Variants in LTBP2 observed in about 807,000 individuals in gnomAD.
The protein encoded by LTBP2 is latent-transforming growth factor beta-binding protein 2.
Under a neutral mutation model 210.6 loss-of-function variants are expected in LTBP2, and 103 were observed. That is an observed-to-expected ratio of 0.49 (90% CI 0.42 to 0.58). The LOEUF (loss-of-function observed/expected upper bound fraction) is 0.58. Ranked by LOEUF, LTBP2 falls within the 20% of genes least tolerant of loss-of-function variation. The probability of loss-of-function intolerance (pLI) is 0.00; values close to 1 mark genes in which losing one functional copy is unlikely to be tolerated. For missense variants in LTBP2, 2,313 were observed against 2,494.5 expected (o/e 0.93, Z 1.55); for synonymous variants, 1,007 against 1,015.0 (o/e 0.99, Z 0.15).
At position 74,611,560 on chromosome 14, in the gene LTBP2, G is replaced by T. The variant is rs2088609056; in HGVS notation, c.385C>A (p.Gln129Lys). 7 of 1,575,162 alleles carry T rather than the reference G, an allele frequency of 4.4e-6. No individual in the cohort carries two copies. The highest frequency in any genetic ancestry group is 6.0e-6 in the Non-Finnish European group (7 of 1,167,488). Residue 129 changes from glutamine (Q) to lysine (K), a missense_variant, in exon 1 of 36, where the codon CAG (glutamine) becomes AAG (lysine). Physicochemically the swap from Gln to Lys is moderately conservative, Grantham distance 53. This residue lies in a region of LTBP2 where 1,867 missense variants were observed against 1,976.9 expected (regional missense o/e 0.94). Coordinates refer to ENST00000261978, the MANE Select transcript of LTBP2 (RefSeq NM_000428.3). ...CGGGTCCGGGGTGCTGGTTGCTGCTGGCCCAGGGGAGTGCTTCTCCGGGTC... is the reference window on the plus strand; with the variant it reads ...CGGGTCCGGGGTGCTGGTTGCTGCTTGCCCAGGGGAGTGCTTCTCCGGGTC... The part of the protein sequence containing the change: ...AQTRRSTPLG[Q>K]QQPAPRTRAA...
chr14:74,500,709 G>A lies in LTBP2; in HGVS notation c.*175C>T. 1.3e-6 allele frequency: 1 copy of A among 796,072 alleles called. No homozygotes were observed. Among genetic ancestry groups the A allele is most frequent in the East Asian group, 2.6e-5 (1 of 38,462 alleles). 49.3% of individuals were successfully genotyped at this position (796,072 alleles called of 1,614,324 possible). On this transcript the variant is annotated 3_prime_UTR_variant, in exon 36 of 36. Coordinates refer to ENST00000261978, the MANE Select transcript of LTBP2 (RefSeq NM_000428.3). ...GCTTGAGCCAAGCAAGGGCATGGAG[G>A]CAATGACCGAAGCTTACAGCCAGAG...
intron 1 of LTBP2, among the ~76,000 whole-genome samples, chr14:74,607,518 G>T (rs905402320): frequency 1.3e-5 from 2 of 152,114 alleles, no homozygotes; most frequent in Non-Finnish European, 2.9e-5. Context: ...TTTAGAAAAA[G>T]TAATTCATCT....
chr14:74,529,021 A>T lies in LTBP2; in HGVS notation c.2089T>A (p.Cys697Ser). 6.3e-7 allele frequency: 1 copy of T among 1,599,660 alleles called. No homozygotes were observed. The highest frequency in any genetic ancestry group is 2.3e-5 in the East Asian group (1 of 44,324). Residue 697 changes from cysteine (C) to serine (S), a missense_variant, in exon 11 of 36, where the codon TGC becomes AGC. Physicochemically the swap from Cys to Ser is moderately radical, Grantham distance 112. This residue lies in a region of LTBP2 where 1,867 missense variants were observed against 1,976.9 expected (regional missense o/e 0.94). Coordinates refer to ENST00000261978, the MANE Select transcript of LTBP2 (RefSeq NM_000428.3). Reference sequence around the variant, plus strand: ...CATGCTTTGCCCACGCGGCTGCAGCAGCATATCTGCTTGGTGATCCGCTGG... The same window carrying T: ...CATGCTTTGCCCACGCGGCTGCAGCTGCATATCTGCTTGGTGATCCGCTGG... The part of the protein sequence containing the change: ...LAQRITKQIC[C>S]CSRVGKAWGS...
chr14:74,598,653 G>A (rs1465501122), intron 2 of LTBP2, among the ~76,000 whole-genome samples: 1 of 152,158 alleles, frequency 6.6e-6, no homozygotes, highest in African/African-American at 2.4e-5. Flanking sequence ...AACTCTGGGA[G>A]ACAGGGCCCA....
chr14:74,542,506 G>A (rs575683088), intron 8 of LTBP2, among the ~76,000 whole-genome samples: 4 of 152,236 alleles, frequency 2.6e-5, no homozygotes, highest in Non-Finnish European at 5.9e-5. Flanking sequence ...AGGGAGATGT[G>A]AAAGGTCCCT....
At chr14:74,524,987 G>T in intron 15 of LTBP2, 137 bp downstream of exon 15, 1 of 455,730 alleles carries the variant, frequency 2.2e-6, no homozygotes, top group Non-Finnish European at 3.9e-6. Flanking sequence ...CAGCCCAGCT[G>T]GGAGCCTGCT....
chr14:74,540,925 G>GTT (rs1363830370), intron 8 of LTBP2, among the ~76,000 whole-genome samples: 6,270 of 27,626 alleles, frequency 0.23, 528 homozygotes, highest in African/African-American at 0.37. Flanking sequence ...ATATATATAG[G>GTT]TTATATATAT....
At chr14:74,517,369 T>C (rs1032129548) in intron 17 of LTBP2, among the ~76,000 whole-genome samples, 1 of 151,718 alleles carries the variant, frequency 6.6e-6, no homozygotes, top group Non-Finnish European at 1.5e-5. Context: ...TATTTATTTA[T>C]TGAGACGGAG....
At chr14:74,564,075 T>A (rs12892092) in intron 3 of LTBP2, among the ~76,000 whole-genome samples, 92 of 20,798 alleles carry the variant, frequency 4.4e-3, no homozygotes, top group African/African-American at 0.018. Context: ...ATATATATAT[T>A]TATATATATA....
intron 3 of LTBP2, among the ~76,000 whole-genome samples, chr14:74,583,052 C>T (rs935127093): frequency 6.6e-6 from 1 of 152,232 alleles, no homozygotes; most frequent in African/African-American, 2.4e-5. Flanking sequence ...GCCCAGACAA[C>T]AGCTGGACAG....
At chr14:74,572,374 G>A (rs2087994528) in intron 3 of LTBP2, among the ~76,000 whole-genome samples, 2 of 151,906 alleles carry the variant, frequency 1.3e-5, no homozygotes, top group South Asian at 4.2e-4. Context: ...GACAGGGGGA[G>A]GAGGAGGAGT....
chr14:74,608,259 T>G (rs2088556303), intron 1 of LTBP2, among the ~76,000 whole-genome samples: 1 of 152,174 alleles, frequency 6.6e-6, no homozygotes, highest in African/African-American at 2.4e-5. Context: ...TACCTTTTAG[T>G]GCATTTATAA....
At chr14:74,503,429 G>A (rs755838765) in intron 32 of LTBP2, 40 bp downstream of exon 32, 1 of 1,609,508 alleles carries the variant, frequency 6.2e-7, no homozygotes, top group Admixed American at 1.7e-5. Context: ...CCCCAGCCCA[G>A]GTACCCTTCT....
At chr14:74,592,844 C>T (rs2088301210) in intron 2 of LTBP2, among the ~76,000 whole-genome samples, 1 of 152,106 alleles carries the variant, frequency 6.6e-6, no homozygotes, top group South Asian at 2.1e-4. Flanking sequence ...GCCCCTGGGA[C>T]AGTACCCTCG....
Position 74,509,356 on chromosome 14 carries a change from A to C in LTBP2, c.3285T>G (p.Asp1095Glu). The C allele has an allele frequency of 6.2e-7, 1 of 1,613,392 alleles. No individual in the cohort carries two copies. The highest frequency in any genetic ancestry group is 8.5e-7 in the Non-Finnish European group (1 of 1,179,952). Residue 1095 changes from aspartate (D) to glutamate (E), a missense_variant, in exon 22 of 36, where the codon GAT becomes GAG. Asp to Glu is a conservative substitution (Grantham distance 45). Around this residue, in one of 3 missense-constraint regions of LTBP2, gnomAD observed 1,867 missense variants for 1,976.9 expected, o/e 0.94. Transcript: ENST00000261978. ...GGCAGACTCCCGGGAAGGCACACTC[A>C]TCTAGGTCTGCAGACAGACAGCGCT... ...NEDGTACEDLDECAFPGVCPS... is the reference protein window; with the variant it reads ...NEDGTACEDLEECAFPGVCPS...
chr14:74,528,096 G>C (rs568495334), intron 12 of LTBP2, among the ~76,000 whole-genome samples: 4 of 152,186 alleles, frequency 2.6e-5, no homozygotes, highest in Admixed American at 6.5e-5. Flanking sequence ...TCCAAGGCCG[G>C]GCCAGGGGTC....
Position 74,522,069 on chromosome 14 carries a change from A to AG in LTBP2, c.2660-31dup, listed in dbSNP as rs1332909100. On this transcript the variant is annotated intron_variant, in intron 16 of 35. Transcript: ENST00000261978. ...CCAGAAGAAGGCAGGGAGGGAGGTC[A>AG]GGGGGGCCAGCGGTGCCGTTCTTTG... 3.7e-6 allele frequency: 6 copies of AG among 1,602,926 alleles called. No individual in the cohort carries two copies. The East Asian group carries it at 1.1e-4, about 30-fold the overall frequency.
chr14:74,550,757 T>C (rs2087641789), intron 7 of LTBP2, among the ~76,000 whole-genome samples: 2 of 152,186 alleles, frequency 1.3e-5, no homozygotes, highest in South Asian at 4.1e-4. Flanking sequence ...CCAGGGGTCA[T>C]AGGATCAGCA....
At chr14:74,513,727 C>T (rs1485348489) in intron 18 of LTBP2, among the ~76,000 whole-genome samples, 3 of 152,150 alleles carry the variant, frequency 2.0e-5, no homozygotes, top group Admixed American at 6.5e-5. Flanking sequence ...CGCTTGAACC[C>T]GGTGGGGGAG....
Sources: allele counts gnomAD v4.1 joint callset (sites outside exome capture counted in the v4.1 genomes callset), GRCh38; gene constraint gnomAD v4.1.1; regional missense constraint gnomAD v4.1.1; transcripts MANE v1.5; gene names NCBI Gene and HGNC (gene_info 2026-07-23, HGNC 2026-07-21).